PLBD2: variants seen among roughly 807,000 people sequenced by gnomAD.
PLBD2 encodes the protein putative aminopeptidase PLBD2.
PLBD2 carries 51 observed loss-of-function variants against 68.3 expected under a neutral mutation model. The observed-to-expected ratio is 0.75, with a 90% CI of 0.60 to 0.94. PLBD2 has a LOEUF of 0.94. PLBD2 is among the 40% of genes least tolerant of loss of function. The pLI is 0.00. For synonymous variants in PLBD2, 314 were observed against 339.3 expected, an observed-to-expected ratio of 0.93 and a Z score of 0.82; for missense variants, 729 against 792.2, an observed-to-expected ratio of 0.92 and a Z score of 0.96.
intron 5 of PLBD2, among the ~76,000 whole-genome samples, chr12:113,378,291 C>CA (rs34764422): frequency 0.1 from 13,503 of 131,270 alleles, 810 homozygotes; most frequent in East Asian, 0.23. Context: ...GCCTCTGTCT[C>CA]AAAAAAAAAA....
At position 113,385,270 on chromosome 12, in the gene PLBD2, A is replaced by G. The variant is rs1565865101; in HGVS notation, c.1273A>G (p.Ser425Gly). 6.2e-7 allele frequency: 1 copy of G among 1,614,160 alleles called. No homozygotes were observed. ...SELYQKTYWA[S>G]YNIPSFETVF... ...GCTCTACCAGAAGACCTACTGGGCC[A>G]GCTACAACATACCGTGCGTGCCTTC... Residue 425 changes from serine (S) to glycine (G), a missense_variant, in exon 9 of 12, where the codon AGC becomes GGC. Coordinates refer to ENST00000280800, the MANE Select transcript of PLBD2 (RefSeq NM_173542.4).
intron 1 of PLBD2, among the ~76,000 whole-genome samples, chr12:113,361,288 T>C (rs1024136438): frequency 6.6e-6 from 1 of 151,556 alleles, no homozygotes; most frequent in Non-Finnish European, 1.5e-5. Flanking sequence ...AAATTCTCCC[T>C]ACACCATAAT....
At chr12:113,365,365 C>T (rs1039244462) in intron 1 of PLBD2, among the ~76,000 whole-genome samples, 10 of 151,554 alleles carry the variant, frequency 6.6e-5, no homozygotes, top group African/African-American at 1.5e-4. Flanking sequence ...TCTGTCACCC[C>T]GGCTGGAGTA....
Position 113,358,609 on chromosome 12 carries a change from C to A in PLBD2, c.9C>A (p.Gly3=), listed in dbSNP as rs565402780. 5.1e-4 allele frequency: 750 copies of A among 1,471,470 alleles called. 6 individuals carry two copies. The African/African-American group carries it at 9.9e-3, about 19-fold the overall frequency. The allele number at this position is 1,471,470 out of a possible 1,614,324, so 91.2% of individuals were successfully genotyped here. Reference sequence around the variant, plus strand: ...CGCAGCATTGTGCGGTCATGGTGGGCCAGATGTACTGCTACCCCGGCAGCC... The same window carrying A: ...CGCAGCATTGTGCGGTCATGGTGGGACAGATGTACTGCTACCCCGGCAGCC... The part of the protein sequence containing the change: MV[G]QMYCYPGSHL... The change falls in exon 1 of 12, where the codon GGC becomes GGA. Residue 3 remains glycine (G), a synonymous_variant. Coordinates refer to ENST00000280800, the MANE Select transcript of PLBD2 (RefSeq NM_173542.4).
intron 1 of PLBD2, among the ~76,000 whole-genome samples, chr12:113,361,783 C>G (rs1368649497): frequency 2.6e-5 from 4 of 152,106 alleles, no homozygotes; most frequent in African/African-American, 4.8e-5. Flanking sequence ...GGCCTTGGTC[C>G]TGGGGAAGCT....
intron 1 of PLBD2, among the ~76,000 whole-genome samples, chr12:113,360,357 A>G (rs1957280607): frequency 6.6e-6 from 1 of 152,170 alleles, no homozygotes; most frequent in Non-Finnish European, 1.5e-5. Flanking sequence ...CAGAATCAAG[A>G]GGACATGACA....
rs1344156834 is a variant in PLBD2 at position 113,384,341 on chromosome 12, TG to T, written c.1118+80del. On this transcript the variant is annotated intron_variant, in intron 7 of 11. Coordinates refer to ENST00000280800, the MANE Select transcript of PLBD2 (RefSeq NM_173542.4). This position sits in a 1 kb window ranked among gnomAD's most constrained non-coding sequence, Gnocchi z 4.2. ...ACCTCCCCTTTAACACTCACACTCC[TG>T]GGGACCAGATGTGGCATCCGGGCCA... is the stretch of plus-strand genomic sequence containing the variant. The T allele has an allele frequency of 5.9e-6, 9 of 1,513,266 alleles. No individual in the cohort carries two copies. The highest frequency in any genetic ancestry group is 7.1e-6 in the Non-Finnish European group (8 of 1,124,150). 93.7% of individuals were successfully genotyped at this position (1,513,266 alleles called of 1,614,324 possible).
At position 113,387,834 on chromosome 12, in the gene PLBD2, C is replaced by A. The variant is rs542109079; in HGVS notation, c.1530C>A (p.Asp510Glu). ...AGAATGCTATCTCCGCCCGCTCCGA[C>A]CTCAACCCGGCCAATGGCTCCTACC... ...NGENAISARS[D>E]LNPANGSYPF... The change falls in exon 11 of 12, where the codon GAC becomes GAA. Residue 510 changes from aspartate to glutamate, a missense_variant. By Grantham distance (45) the Asp-to-Glu change is conservative. Coordinates refer to ENST00000280800, the MANE Select transcript of PLBD2 (RefSeq NM_173542.4). The A allele has an allele frequency of 1.6e-5, 26 of 1,614,242 alleles. 1 individual carries two copies. The South Asian group carries it at 2.7e-4, about 17-fold the overall frequency.
chr12:113,364,725 G>A (rs1957327347), intron 1 of PLBD2, among the ~76,000 whole-genome samples: 1 of 152,104 alleles, frequency 6.6e-6, no homozygotes, highest in Non-Finnish European at 1.5e-5. Flanking sequence ...GCCTCCCAAA[G>A]CACTGGGGTT....
chr12:113,369,373 A>T (rs1257439598), intron 2 of PLBD2, among the ~76,000 whole-genome samples, 164 bp downstream of exon 2: 1 of 152,148 alleles, frequency 6.6e-6, no homozygotes. Flanking sequence ...AGAAAATTAC[A>T]CTAGGGGCCG....
intron 9 of PLBD2, 82 bp downstream of exon 9, chr12:113,385,365 T>A: frequency 7.6e-7 from 1 of 1,312,468 alleles, no homozygotes; most frequent in Non-Finnish European, 1.1e-6. Context: ...TAGGCAATGT[T>A]TTTAAACCCA....
At chr12:113,374,448 C>T (rs1437879644) in intron 3 of PLBD2, 26 bp from the exon 4 acceptor site, 2 of 1,460,836 alleles carry the variant, frequency 1.4e-6, no homozygotes, top group Admixed American at 1.9e-5. Flanking sequence ...GCCTCACCCT[C>T]CCTCTGCCCC....
chr12:113,371,558 A>G (rs1957389110), intron 2 of PLBD2, among the ~76,000 whole-genome samples: 1 of 152,200 alleles, frequency 6.6e-6, no homozygotes, highest in Non-Finnish European at 1.5e-5. Context: ...GTGGGTGCTC[A>G]GTGGTGAATG....
intron 9 of PLBD2, 31 bp downstream of exon 9, chr12:113,385,314 C>T (rs775689357): frequency 1.9e-6 from 3 of 1,596,300 alleles, no homozygotes; most frequent in Non-Finnish European, 2.6e-6. Flanking sequence ...CTCCCCGTCA[C>T]CCTCCAGGGC....
In PLBD2 at chr12:113,358,765, C is replaced by T; in HGVS notation, c.165C>T (p.Val55=). ...PGGRWARDGQ[V]PPASRSRSVL... ...GCCGCTGGGCGCGCGATGGGCAGGT[C>T]CCTCCAGCCTCCCGCAGCCGCTCGG... Residue 55 remains valine, a synonymous_variant, in exon 1 of 12, where the codon GTC becomes GTT. Transcript: ENST00000280800. The T allele has an allele frequency of 1.4e-6, 2 of 1,423,718 alleles. No individual in the cohort carries two copies. The highest frequency in any genetic ancestry group is 1.8e-6 in the Non-Finnish European group (2 of 1,094,718). 88.2% of individuals were successfully genotyped at this position (1,423,718 alleles called of 1,614,324 possible).
At chr12:113,371,843 C>T (rs973138171) in intron 2 of PLBD2, among the ~76,000 whole-genome samples, 1 of 152,224 alleles carries the variant, frequency 6.6e-6, no homozygotes, top group South Asian at 2.1e-4. Flanking sequence ...GTCTAACCCA[C>T]GTCTCGCTCC....
At position 113,384,846 on chromosome 12, in the gene PLBD2, G is replaced by A. The variant is rs781597715; in HGVS notation, c.1119-5G>A. The A allele has an allele frequency of 3.0e-5, 48 of 1,613,526 alleles. No individual in the cohort carries two copies. The highest frequency in any genetic ancestry group is 4.0e-5 in the African/African-American group (3 of 74,916). ...TGTTCAGTCCTCCCTTCCCCTGCCC[G>A]GCAGGTATAACAACCAGTGGATGAT... On this transcript the variant is annotated splice_region_variant and splice_polypyrimidine_tract_variant and intron_variant, in intron 7 of 11. Coordinates refer to ENST00000280800, the MANE Select transcript of PLBD2 (RefSeq NM_173542.4). This position sits in a 1 kb window ranked among gnomAD's most constrained non-coding sequence, Gnocchi z 4.2.
chr12:113,363,537 C>CTT lies in PLBD2; in HGVS notation c.290+4665_290+4666dup, dbSNP rs1224575042. ...TCTTCCTAGATATAAACATTTTTAG[C>CTT]TTTTTTTTTTTTTTTTTTTGAGGTG... On this transcript the variant is annotated intron_variant, in intron 1 of 11. Transcript: ENST00000280800. 7.3e-4 allele frequency among the ~76,000 whole-genome samples: 98 copies of CTT among 133,502 alleles called. 1 individual carries two copies. The highest frequency in any genetic ancestry group is 7.9e-3 in the Middle Eastern group (2 of 252). 87.6% of individuals were successfully genotyped at this position (133,502 alleles called of 152,430 possible).
chr12:113,366,432 A>G lies in PLBD2; in HGVS notation c.291-2684A>G, dbSNP rs4767070. On this transcript the variant is annotated intron_variant, in intron 1 of 11. Coordinates refer to ENST00000280800, the MANE Select transcript of PLBD2 (RefSeq NM_173542.4). Reference sequence around the variant, plus strand: ...GTTACACAAAAATGAAAACGTCTATATGGCAAGAACAAATGCAAAAACCAA... The same window carrying G: ...GTTACACAAAAATGAAAACGTCTATGTGGCAAGAACAAATGCAAAAACCAA... Among the ~76,000 whole-genome samples the G allele has an allele frequency of 4.8e-3, 685 of 142,190 alleles. 3 individuals are homozygous for G. The highest frequency in any genetic ancestry group is 0.015 in the Admixed American group (219 of 14,362). The allele number at this position is 142,190 out of a possible 152,430, so 93.3% of individuals were successfully genotyped here.
Sources: allele counts gnomAD v4.1 joint callset (sites outside exome capture counted in the v4.1 genomes callset), GRCh38; gene constraint gnomAD v4.1.1; non-coding constraint Gnocchi (gnomAD v3.1); transcripts MANE v1.5; gene names NCBI Gene and HGNC (gene_info 2026-07-23, HGNC 2026-07-21).